The following PLEKHG1 variants were observed in gnomAD, a reference collection of about 807,000 sequenced individuals.
PLEKHG1 encodes pleckstrin homology and RhoGEF domain containing G1.
A neutral mutation model predicts 100.8 loss-of-function variants in PLEKHG1; 44 were observed. That is an observed-to-expected ratio of 0.44 (90% CI 0.34 to 0.56). The LOEUF (loss-of-function observed/expected upper bound fraction) is 0.56, where lower values mean the gene tolerates loss of function less well. Among genes scored for constraint, PLEKHG1 ranks in the 20% least tolerant of loss-of-function variants. PLEKHG1 has a pLI of 0.01. For missense variants in PLEKHG1, 1,545 were observed against 1,720.9 expected (o/e 0.90, Z 1.81); for synonymous variants, 640 against 662.5 (o/e 0.97, Z 0.52).
chr6:150,637,561 G>A (rs1177587176), intron 1 of PLEKHG1, among the ~76,000 whole-genome samples: 2 of 151,932 alleles, frequency 1.3e-5, no homozygotes, highest in Non-Finnish European at 2.9e-5. Context: ...GATTATTTCA[G>A]TCTAGATTCA....
chr6:150,767,273 T>C (rs1387870518), intron 2 of PLEKHG1, among the ~76,000 whole-genome samples: 2 of 152,168 alleles, frequency 1.3e-5, no homozygotes, highest in Non-Finnish European at 2.9e-5. Flanking sequence ...GATTGTTCCA[T>C]TTATAACAGT....
intron 13 of PLEKHG1, among the ~76,000 whole-genome samples, chr6:150,822,150 CAAAAAAAAAAAAAA>C (rs58672381): frequency 8.2e-5 from 3 of 36,702 alleles, no homozygotes; most frequent in Non-Finnish European, 1.5e-4. Flanking sequence ...CCAAAGGACT[CAAAAAAAAAAAAAA>C]AAAAAAAAAA....
intron 2 of PLEKHG1, among the ~76,000 whole-genome samples, chr6:150,748,784 G>A (rs1181648511): frequency 2.0e-5 from 3 of 150,986 alleles, no homozygotes; most frequent in South Asian, 2.1e-4. Flanking sequence ...CACCATGCCC[G>A]GCTAATTTTT....
chr6:150,733,958 G>T, exon 2 of PLEKHG1: 1 of 1,614,210 alleles, frequency 6.2e-7, no homozygotes, highest in Non-Finnish European at 8.5e-7. Flanking sequence ...GCAGTGGAGA[G>T]TGGACTCAAA....
At chr6:150,678,629 T>C (rs1310449533) in intron 3 of PLEKHG1, among the ~76,000 whole-genome samples, 1 of 152,182 alleles carries the variant, frequency 6.6e-6, no homozygotes, top group Non-Finnish European at 1.5e-5. Context: ...CTCTTTAAAA[T>C]AGAGAAAGAA....
At chr6:150,785,617 T>G (rs1215266748) in intron 3 of PLEKHG1, among the ~76,000 whole-genome samples, 1 of 152,160 alleles carries the variant, frequency 6.6e-6, no homozygotes, top group East Asian at 1.9e-4. Context: ...ACTATCTCTA[T>G]TATAATTTTG....
At chr6:150,803,427 C>T (rs1165015143) in intron 6 of PLEKHG1, among the ~76,000 whole-genome samples, 4 of 152,206 alleles carry the variant, frequency 2.6e-5, no homozygotes, top group Non-Finnish European at 1.5e-5. Context: ...CCACCCAGCT[C>T]TCTGCTGGGC....
At chr6:150,834,816 T>G (rs1777140499) in intron 15 of PLEKHG1, among the ~76,000 whole-genome samples, 1 of 152,104 alleles carries the variant, frequency 6.6e-6, no homozygotes, top group African/African-American at 2.4e-5. Flanking sequence ...CTTCTGAGAG[T>G]GCTGTCTTCC....
At chr6:150,728,339 A>T (rs1415302458) in intron 1 of PLEKHG1, among the ~76,000 whole-genome samples, 1 of 152,220 alleles carries the variant, frequency 6.6e-6, no homozygotes, top group Non-Finnish European at 1.5e-5. Flanking sequence ...TACACCTATA[A>T]TCTCAGCACT....
chr6:150,668,583 T>G lies in PLEKHG1; in HGVS notation c.-99+17797T>G, dbSNP rs542927009. On this transcript the variant is annotated intron_variant, in intron 3 of 3. Transcript: ENST00000367326. ...AAACATAGTGGTTGCCATGGAGTCT[T>G]GCTGGCCGATGACCAAGTAGGAGTT... is the stretch of plus-strand genomic sequence containing the variant. 3.1e-3 allele frequency among the ~76,000 whole-genome samples: 469 copies of G among 152,306 alleles called. 5 individuals carry two copies. Among genetic ancestry groups the G allele is most frequent in the African/African-American group, 0.011 (439 of 41,572 alleles).
chr6:150,630,692 G>T (rs772653400), intron 1 of PLEKHG1, among the ~76,000 whole-genome samples: 10 of 152,116 alleles, frequency 6.6e-5, no homozygotes, highest in Non-Finnish European at 1.3e-4. Flanking sequence ...CTCAGGAGAG[G>T]GGGCCGGTGT....
intron 1 of PLEKHG1, among the ~76,000 whole-genome samples, chr6:150,726,404 G>A (rs1781965675): frequency 1.3e-5 from 2 of 152,026 alleles, no homozygotes; most frequent in African/African-American, 4.8e-5. Flanking sequence ...CATTAAATAT[G>A]TATAACTTTT....
At chr6:150,839,584 GA>G (rs1777407397) in intron 15 of PLEKHG1, among the ~76,000 whole-genome samples, 1 of 152,148 alleles carries the variant, frequency 6.6e-6, no homozygotes, top group East Asian at 1.9e-4. Flanking sequence ...ACCTGCTGTT[GA>G]AACAAAATAA....
chr6:150,809,091 A>G lies in PLEKHG1; in HGVS notation c.913-14A>G. 3.1e-6 allele frequency: 5 copies of G among 1,608,734 alleles called. No individual in the cohort carries two copies. Among genetic ancestry groups the G allele is most frequent in the Non-Finnish European group, 4.3e-6 (5 of 1,175,758 alleles). ...CTGCCTCCTGTAAATGCCATGGCCC[A>G]TTCCCTTTCTCAGGAGATACAGAGT... On this transcript the variant is annotated splice_polypyrimidine_tract_variant and intron_variant, in intron 7 of 15. Transcript: ENST00000358517.
intron 3 of PLEKHG1, among the ~76,000 whole-genome samples, chr6:150,771,585 G>A (rs745502969): frequency 2.4e-4 from 37 of 151,326 alleles, no homozygotes; most frequent in South Asian, 2.1e-4. Context: ...TCACTGTGTC[G>A]CCCAGGCTGG....
chr6:150,742,520 G>A (rs1782924803), intron 2 of PLEKHG1, among the ~76,000 whole-genome samples: 1 of 133,154 alleles, frequency 7.5e-6, no homozygotes, highest in African/African-American at 2.9e-5. Flanking sequence ...AGCCAAGATA[G>A]CGCCATTGCA....
At chr6:150,811,979 C>A (rs561264904) in intron 10 of PLEKHG1, among the ~76,000 whole-genome samples, 1 of 152,134 alleles carries the variant, frequency 6.6e-6, no homozygotes, top group Non-Finnish European at 1.5e-5. Context: ...GCAGTGCTGC[C>A]GTGGAGCCAC....
chr6:150,685,726 T>C (rs1003822340), intron 3 of PLEKHG1, among the ~76,000 whole-genome samples: 1 of 152,220 alleles, frequency 6.6e-6, no homozygotes, highest in Admixed American at 6.5e-5. Flanking sequence ...GAATACTCTT[T>C]CTTTGGTAAA....
chr6:150,762,388 G>A (rs112943031), intron 2 of PLEKHG1, among the ~76,000 whole-genome samples: 8,752 of 151,202 alleles, frequency 0.058, 788 homozygotes, highest in African/African-American at 0.19. Context: ...TAGTAGAGAC[G>A]GGGTTTCGCC....
Sources: allele counts gnomAD v4.1 joint callset (sites outside exome capture counted in the v4.1 genomes callset), GRCh38; gene constraint gnomAD v4.1.1; transcripts MANE v1.5; gene names NCBI Gene and HGNC (gene_info 2026-07-23, HGNC 2026-07-21).